BBX: variants seen among roughly 807,000 people sequenced by gnomAD.
BBX encodes the protein HMG box transcription factor BBX.
A neutral mutation model predicts 100.2 loss-of-function variants in BBX; 30 were observed. That is an observed-to-expected ratio of 0.30 (90% CI 0.22 to 0.41). The LOEUF (loss-of-function observed/expected upper bound fraction) is 0.41. Ranked by LOEUF, BBX falls within the 10% of genes least tolerant of loss-of-function variation. The pLI is 1.00. For missense variants in BBX, 1,023 were observed against 1,129.8 expected, an observed-to-expected ratio of 0.91 and a Z score of 1.35; for synonymous variants, 376 against 388.1, an observed-to-expected ratio of 0.97 and a Z score of 0.37.
chr3:107,749,598 G>A (rs767668701), intron 9 of BBX, among the ~76,000 whole-genome samples: 22 of 150,892 alleles, frequency 1.5e-4, no homozygotes, highest in Middle Eastern at 3.6e-3. Flanking sequence ...GGTTCTAACC[G>A]TTATCACCGC....
intron 3 of BBX, among the ~76,000 whole-genome samples, chr3:107,674,273 C>T (rs927782466): frequency 7.2e-5 from 11 of 152,132 alleles, no homozygotes; most frequent in Admixed American, 1.3e-4. Flanking sequence ...AGTACCGTAA[C>T]GCCTTCGAGC....
intron 15 of BBX, among the ~76,000 whole-genome samples, chr3:107,794,126 A>C (rs2069348479): frequency 6.6e-6 from 1 of 152,098 alleles, no homozygotes; most frequent in African/African-American, 2.4e-5. Flanking sequence ...TTAAGCTAGA[A>C]GTTTCTAATT....
At chr3:107,679,998 G>A (rs781386906) in intron 3 of BBX, among the ~76,000 whole-genome samples, 2 of 152,152 alleles carry the variant, frequency 1.3e-5, no homozygotes, top group Non-Finnish European at 2.9e-5. Flanking sequence ...AGAAAGCAGG[G>A]TCTGAGTCCC....
chr3:107,705,164 C>T (rs892730302), intron 3 of BBX, among the ~76,000 whole-genome samples: 10 of 151,964 alleles, frequency 6.6e-5, no homozygotes, highest in Admixed American at 5.2e-4. Context: ...TCCTCTCCTC[C>T]GTAGACTCTG....
chr3:107,806,714 A>G lies in BBX; in HGVS notation c.*1257A>G, dbSNP rs1429432886. ...GATTAACTGGCTTAGAACATTCAAC[A>G]TATTGACTTAACCACCTGACATTCA... On this transcript the variant is annotated 3_prime_UTR_variant, in exon 18 of 18. Coordinates refer to ENST00000325805, the MANE Select transcript of BBX (RefSeq NM_001142568.3). The G allele has an allele frequency of 1.3e-5, 2 of 152,234 alleles. No homozygotes were observed. Among genetic ancestry groups the G allele is most frequent in the Non-Finnish European group, 1.5e-5 (1 of 68,042 alleles). The allele number at this position is 152,234 out of a possible 1,614,324, so 9.4% of individuals were successfully genotyped here. A position where few individuals can be genotyped will look rare whatever the true frequency, so the allele number is the denominator to read the frequency against.
chr3:107,713,574 GATTA>G (rs2061870458), intron 4 of BBX, among the ~76,000 whole-genome samples: 1 of 152,060 alleles, frequency 6.6e-6, no homozygotes, highest in African/African-American at 2.4e-5. Flanking sequence ...TTTACTTTTT[GATTA>G]ATAAAATAAT....
intron 6 of BBX, among the ~76,000 whole-genome samples, chr3:107,730,200 C>T (rs532720796): frequency 5.5e-4 from 84 of 152,314 alleles, no homozygotes; most frequent in African/African-American, 2.0e-3. Context: ...AATGATGCTT[C>T]TACATGTCCC....
At chr3:107,598,153 C>G (rs183534715) in intron 2 of BBX, among the ~76,000 whole-genome samples, 167 of 152,182 alleles carry the variant, frequency 1.1e-3, no homozygotes, top group African/African-American at 3.7e-3. Flanking sequence ...TAGTCATTGG[C>G]GTATTTTGGC....
At chr3:107,657,172 G>A (rs1171039573) in intron 3 of BBX, 1 of 152,126 alleles carries the variant, frequency 6.6e-6, no homozygotes, top group East Asian at 1.9e-4. Context: ...TATTATCCTA[G>A]GTAAGAAAAC....
At chr3:107,720,689 G>T (rs116297948) in intron 5 of BBX, among the ~76,000 whole-genome samples, 1,600 of 152,008 alleles carry the variant, frequency 0.011, 47 homozygotes, top group African/African-American at 0.037. Context: ...AACTATAATG[G>T]CCCTTTGAAA....
chr3:107,624,372 T>A (rs947591169), intron 2 of BBX, among the ~76,000 whole-genome samples: 13 of 152,190 alleles, frequency 8.5e-5, no homozygotes, highest in Non-Finnish European at 1.5e-4. Flanking sequence ...TATTTTTTTA[T>A]TTTTTTGGAA....
intron 2 of BBX, among the ~76,000 whole-genome samples, chr3:107,627,910 T>C (rs568888165): frequency 1.3e-5 from 2 of 152,184 alleles, no homozygotes; most frequent in East Asian, 3.9e-4. Context: ...TTTGATTATG[T>C]TTTCAATGAG....
At chr3:107,530,363 C>T (rs868675832) in intron 2 of BBX, among the ~76,000 whole-genome samples, 8 of 151,680 alleles carry the variant, frequency 5.3e-5, no homozygotes, top group Admixed American at 2.0e-4. Context: ...CCAGCCTGGG[C>T]GACAGAGCAA....
intron 2 of BBX, among the ~76,000 whole-genome samples, chr3:107,555,023 G>A (rs1445518888): frequency 2.0e-5 from 3 of 146,526 alleles, no homozygotes; most frequent in Admixed American, 1.4e-4. Context: ...AGCCGAGATC[G>A]TGGCATTGCA....
intron 13 of BBX, among the ~76,000 whole-genome samples, chr3:107,785,434 A>C (rs2107886315): frequency 1.3e-5 from 2 of 152,156 alleles, no homozygotes; most frequent in East Asian, 3.9e-4. Context: ...AATCCTCAAC[A>C]AAACACTGGC....
intron 15 of BBX, among the ~76,000 whole-genome samples, chr3:107,793,302 T>C (rs1442673511): frequency 1.3e-5 from 2 of 152,190 alleles, no homozygotes; most frequent in Non-Finnish European, 2.9e-5. Flanking sequence ...AATATAGTTA[T>C]AATTGGTGAT....
chr3:107,536,250 CAT>C (rs1385282234), intron 2 of BBX, among the ~76,000 whole-genome samples: 4 of 152,202 alleles, frequency 2.6e-5, no homozygotes, highest in African/African-American at 7.2e-5. Context: ...TACAGCATAA[CAT>C]GTTGCTTTTT....
intron 2 of BBX, among the ~76,000 whole-genome samples, chr3:107,617,387 T>C (rs1472670975): frequency 6.6e-6 from 1 of 152,172 alleles, no homozygotes; most frequent in East Asian, 1.9e-4. Flanking sequence ...TGCATTTCCA[T>C]GTAGAATTTA....
At chr3:107,643,088 A>G (rs943964501) in intron 2 of BBX, among the ~76,000 whole-genome samples, 3 of 152,144 alleles carry the variant, frequency 2.0e-5, no homozygotes, top group African/African-American at 4.8e-5. Flanking sequence ...GGATTTTGCA[A>G]TGACGTGCCT....
Sources: allele counts gnomAD v4.1 joint callset (sites outside exome capture counted in the v4.1 genomes callset), GRCh38; gene constraint gnomAD v4.1.1; transcripts MANE v1.5; gene names NCBI Gene and HGNC (gene_info 2026-07-23, HGNC 2026-07-21).